LYRM7: variants seen among roughly 807,000 people sequenced by gnomAD.
LYRM7 encodes the protein LYR motif containing 7, also known as complex III assembly factor LYRM7.
Under a neutral mutation model 15.8 loss-of-function variants are expected in LYRM7, and 9 were observed. That is an observed-to-expected ratio of 0.57 (90% CI 0.34 to 0.99). The LOEUF is 0.99. LYRM7 is among the 50% of genes least tolerant of loss of function. LYRM7 has a pLI of 0.02. For synonymous variants in LYRM7, 39 were observed against 39.4 expected (o/e 0.99, Z 0.04); for missense variants, 115 against 119.1 (o/e 0.97, Z 0.16).
rs116531327 is a variant in LYRM7 at position 131,204,750 on chromosome 5, G to A, written c.*5149G>A. 5.3e-5 allele frequency: 8 copies of A among 151,388 alleles called. No homozygotes were observed. Among genetic ancestry groups the A allele is most frequent in the African/African-American group, 1.7e-4 (7 of 41,110 alleles). The allele number at this position is 151,388 out of a possible 1,614,324, so 9.4% of individuals were successfully genotyped here. A position where few individuals can be genotyped will look rare whatever the true frequency, so the allele number is the denominator to read the frequency against. The stretch of plus-strand genomic sequence containing the variant: ...AGAAAACGGATGTTCATTTGTGTGT[G>A]TGTGTGTGTGTAAGCAGGTGTTGCT... On this transcript the variant is annotated 3_prime_UTR_variant, in exon 5 of 5. Coordinates refer to ENST00000379380, the MANE Select transcript of LYRM7 (RefSeq NM_181705.4).
Position 131,204,467 on chromosome 5 carries a change from T to TACACACACACACACACACACAC in LYRM7, c.*4892_*4913dup, listed in dbSNP as rs34794118. On this transcript the variant is annotated 3_prime_UTR_variant, in exon 5 of 5. Coordinates refer to ENST00000379380, the MANE Select transcript of LYRM7 (RefSeq NM_181705.4). ...TTCCAAGAGTTGAAAAGGATGAGGA[T>TACACACACACACACACACACAC]ACACACACACACACACACACACACA... is the stretch of plus-strand genomic sequence containing the variant. 1.5e-5 allele frequency: 2 copies of TACACACACACACACACACACAC among 130,812 alleles called. No individual in the cohort carries two copies. The highest frequency in any genetic ancestry group is 3.3e-5 in the Non-Finnish European group (2 of 60,036). The allele number at this position is 130,812 out of a possible 1,614,324, so 8.1% of individuals were successfully genotyped here.
Position 131,187,039 on chromosome 5 carries a change from A to G in LYRM7, c.174A>G (p.Ile58Met), listed in dbSNP as rs1580696967. ...GGTTTTCTTAACAGCTAATGAAAATAGGTTCTGATGTTGAATTATTACTCA... is the reference window on the plus strand; with the variant it reads ...GGTTTTCTTAACAGCTAATGAAAATGGGTTCTGATGTTGAATTATTACTCA... The part of the protein sequence containing the change: ...SSKKIEELMK[I>M]GSDVELLLRT... Residue 58 changes from isoleucine (I) to methionine (M), a missense_variant, in exon 4 of 5, where the codon ATA becomes ATG. Transcript: ENST00000379380. 1 of 1,547,294 alleles carries G rather than the reference A, an allele frequency of 6.5e-7. No homozygotes were observed. Among genetic ancestry groups the G allele is most frequent in the Non-Finnish European group, 8.8e-7 (1 of 1,135,462 alleles).
At chr5:131,191,043 C>A (rs1755878113) in intron 4 of LYRM7, among the ~76,000 whole-genome samples, 2 of 151,722 alleles carry the variant, frequency 1.3e-5, no homozygotes, top group South Asian at 4.2e-4. Context: ...ATTTAGATTT[C>A]TTTTTATCCT....
intron 2 of LYRM7, among the ~76,000 whole-genome samples, chr5:131,181,300 A>ATATATATATAT (rs1441850768): frequency 9.0e-5 from 1 of 11,070 alleles, no homozygotes; most frequent in African/African-American, 2.0e-4. Context: ...AAAAAAAAAA[A>ATATATATATAT]AAATATATAT....
At chr5:131,176,636 A>G (rs1386004131) in intron 1 of LYRM7, among the ~76,000 whole-genome samples, 1 of 152,080 alleles carries the variant, frequency 6.6e-6, no homozygotes, top group African/African-American at 2.4e-5. Context: ...AAATTACATA[A>G]TGGTGAGGTT....
chr5:131,178,723 G>A (rs1006064304), intron 1 of LYRM7, among the ~76,000 whole-genome samples: 2 of 152,132 alleles, frequency 1.3e-5, no homozygotes, highest in African/African-American at 4.8e-5. Flanking sequence ...AGCACTTTGG[G>A]AGGCCAAGTC....
chr5:131,189,113 T>G (rs1401682154), intron 4 of LYRM7, among the ~76,000 whole-genome samples: 2 of 150,400 alleles, frequency 1.3e-5, no homozygotes, highest in Non-Finnish European at 2.9e-5. Flanking sequence ...GCCACCACAC[T>G]CCAGCCTGGG....
intron 1 of LYRM7, among the ~76,000 whole-genome samples, chr5:131,179,637 T>C (rs1454568291): frequency 2.0e-5 from 3 of 151,936 alleles, no homozygotes; most frequent in Non-Finnish European, 4.4e-5. Context: ...GCCTGACTAA[T>C]TTTAAAAAAA....
At chr5:131,189,863 T>C (rs1276905498) in intron 4 of LYRM7, among the ~76,000 whole-genome samples, 6 of 152,130 alleles carry the variant, frequency 3.9e-5, no homozygotes. Context: ...CTGGGCACTG[T>C]GGTTCACACC....
chr5:131,195,127 G>C (rs1484446509), intron 4 of LYRM7, among the ~76,000 whole-genome samples: 2 of 152,028 alleles, frequency 1.3e-5, no homozygotes, highest in African/African-American at 4.8e-5. Context: ...AATTAGCCAG[G>C]CATGGTGGTG....
chr5:131,179,462 T>C (rs1755654948), intron 1 of LYRM7, among the ~76,000 whole-genome samples: 1 of 125,326 alleles, frequency 8.0e-6, no homozygotes, highest in Non-Finnish European at 1.6e-5. Flanking sequence ...TTTCTTTTTT[T>C]TTTTTTTTTT....
In LYRM7 at chr5:131,180,300, A is replaced by G; in HGVS notation, c.91+133A>G. Reference sequence around the variant, plus strand: ...TACCTCTCTCTGATATCTTTTATAAAGATTAGCTTATATTACACTTATTTG... The same window carrying G: ...TACCTCTCTCTGATATCTTTTATAAGGATTAGCTTATATTACACTTATTTG... On this transcript the variant is annotated intron_variant, in intron 2 of 4. Transcript: ENST00000379380. The G allele has an allele frequency of 5.6e-6, 3 of 538,804 alleles. No homozygotes were observed. In the South Asian group the frequency reaches 8.3e-5, roughly 15 times the overall value. The allele number at this position is 538,804 out of a possible 1,614,324, so 33.4% of individuals were successfully genotyped here. A position where few individuals can be genotyped will look rare whatever the true frequency, so the allele number is the denominator to read the frequency against.
chr5:131,178,979 A>G (rs897726264), intron 1 of LYRM7, among the ~76,000 whole-genome samples: 1 of 151,932 alleles, frequency 6.6e-6, no homozygotes, highest in Non-Finnish European at 1.5e-5. Context: ...AAAAAAAAAA[A>G]AAAAAGGGAA....
intron 2 of LYRM7, among the ~76,000 whole-genome samples, chr5:131,181,737 TTTTA>T (rs1258241691): frequency 6.6e-6 from 1 of 151,714 alleles, no homozygotes; most frequent in Non-Finnish European, 1.5e-5. Flanking sequence ...TAAACAAAAG[TTTTA>T]TTTGTCACTC....
rs1756027137 is a variant in LYRM7 at position 131,199,678 on chromosome 5, G to A, written c.*77G>A. ...CTCTGGCAAAAGTCCTGGAAATGCAGACATTTTCCCTGAACTGGCATATTG... is the reference window on the plus strand; with the variant it reads ...CTCTGGCAAAAGTCCTGGAAATGCAAACATTTTCCCTGAACTGGCATATTG... On this transcript the variant is annotated 3_prime_UTR_variant, in exon 5 of 5. Transcript: ENST00000379380. 1 of 990,900 alleles carries A rather than the reference G, an allele frequency of 1.0e-6. No homozygotes were observed. Among genetic ancestry groups the A allele is most frequent in the East Asian group, 2.6e-5 (1 of 39,086 alleles). 61.4% of individuals were successfully genotyped at this position (990,900 alleles called of 1,614,324 possible).
At chr5:131,177,415 A>G (rs1366412451) in intron 1 of LYRM7, among the ~76,000 whole-genome samples, 6 of 152,324 alleles carry the variant, frequency 3.9e-5, no homozygotes, top group African/African-American at 1.4e-4. Flanking sequence ...GTAGCTTTCC[A>G]ATAAAGTGTG....
chr5:131,199,678 G>GTTAAAAAA lies in LYRM7; in HGVS notation c.*77_*78insTTAAAAAA, dbSNP rs1756027192. 1 of 990,784 alleles carries GTTAAAAAA rather than the reference G, an allele frequency of 1.0e-6. No homozygotes were observed. The highest frequency in any genetic ancestry group is 1.5e-6 in the Non-Finnish European group (1 of 664,430). The allele number at this position is 990,784 out of a possible 1,614,324, so 61.4% of individuals were successfully genotyped here. A position where few individuals can be genotyped will look rare whatever the true frequency, so the allele number is the denominator to read the frequency against. ...CTCTGGCAAAAGTCCTGGAAATGCA[G>GTTAAAAAA]ACATTTTCCCTGAACTGGCATATTG... On this transcript the variant is annotated 3_prime_UTR_variant, in exon 5 of 5. Transcript: ENST00000379380.
chr5:131,181,431 C>CAT (rs553270388), intron 2 of LYRM7, among the ~76,000 whole-genome samples: 2,861 of 108,232 alleles, frequency 0.026, 65 homozygotes, highest in Non-Finnish European at 0.039. Flanking sequence ...ATATATATAA[C>CAT]ATATATATGT....
chr5:131,187,792 T>C (rs1652615895), intron 4 of LYRM7, among the ~76,000 whole-genome samples: 1 of 152,054 alleles, frequency 6.6e-6, no homozygotes, highest in South Asian at 2.1e-4. Context: ...GGCCTATAAT[T>C]AGTTATTTTA....
Sources: allele counts gnomAD v4.1 joint callset (sites outside exome capture counted in the v4.1 genomes callset), GRCh38; gene constraint gnomAD v4.1.1; transcripts MANE v1.5; gene names NCBI Gene and HGNC (gene_info 2026-07-23, HGNC 2026-07-21).